ZCCHC7: variants seen among roughly 807,000 people sequenced by gnomAD.
The protein encoded by ZCCHC7 is zinc finger CCHC domain-containing protein 7.
In ZCCHC7, 35 loss-of-function variants were observed where a neutral mutation model predicts 52.0. That is an observed-to-expected ratio of 0.67 (90% CI 0.51 to 0.89). The LOEUF (loss-of-function observed/expected upper bound fraction) is 0.89. Ranked by LOEUF, ZCCHC7 falls within the 40% of genes least tolerant of loss-of-function variation. ZCCHC7 has a pLI of 0.00. For missense variants in ZCCHC7, 574 were observed against 649.1 expected, an observed-to-expected ratio of 0.88 and a Z score of 1.26; for synonymous variants, 217 against 221.5, an observed-to-expected ratio of 0.98 and a Z score of 0.18.
chr9:37,194,983 A>G (rs375472961), intron 2 of ZCCHC7, among the ~76,000 whole-genome samples: 3 of 130,650 alleles, frequency 2.3e-5, no homozygotes, highest in Non-Finnish European at 3.2e-5. Context: ...GTCTCACTCT[A>G]TTGCCCAGGC....
intron 2 of ZCCHC7, among the ~76,000 whole-genome samples, chr9:37,131,844 G>T (rs1354500904): frequency 1.3e-5 from 2 of 152,076 alleles, no homozygotes; most frequent in Non-Finnish European, 2.9e-5. Context: ...ACACTTAACA[G>T]TCTAGCCTTC....
At chr9:37,189,430 A>C (rs572445945) in intron 2 of ZCCHC7, among the ~76,000 whole-genome samples, 1 of 152,312 alleles carries the variant, frequency 6.6e-6, no homozygotes, top group Admixed American at 6.5e-5. Flanking sequence ...CTTGTTGCCC[A>C]GGCTGGAGTG....
intron 2 of ZCCHC7, among the ~76,000 whole-genome samples, chr9:37,260,884 C>T (rs151065803): frequency 2.0e-5 from 3 of 152,332 alleles, no homozygotes; most frequent in African/African-American, 4.8e-5. Context: ...ACAAACTGCT[C>T]TATCAAAATA....
chr9:37,202,058 A>C (rs943429815), intron 2 of ZCCHC7, among the ~76,000 whole-genome samples: 2 of 152,232 alleles, frequency 1.3e-5, no homozygotes, highest in African/African-American at 4.8e-5. Flanking sequence ...ATACTGACTT[A>C]TTTGATCCTC....
intron 2 of ZCCHC7, among the ~76,000 whole-genome samples, chr9:37,260,223 C>T (rs1273394375): frequency 6.6e-6 from 1 of 152,194 alleles, no homozygotes; most frequent in Admixed American, 6.5e-5. Context: ...TGGCTTTCCA[C>T]TGTATATCCC....
chr9:37,169,744 T>C (rs1361382754), intron 2 of ZCCHC7, among the ~76,000 whole-genome samples: 1 of 152,228 alleles, frequency 6.6e-6, no homozygotes, highest in African/African-American at 2.4e-5. Context: ...TTCTCATTGA[T>C]TTTAATTATT....
chr9:37,289,862 C>T (rs1252596688), intron 2 of ZCCHC7, among the ~76,000 whole-genome samples: 3 of 152,206 alleles, frequency 2.0e-5, no homozygotes, highest in Non-Finnish European at 4.4e-5. Flanking sequence ...ATATTTTTGC[C>T]TTAAGAACTT....
chr9:37,301,002 T>G (rs746917705), intron 2 of ZCCHC7, among the ~76,000 whole-genome samples: 1 of 152,226 alleles, frequency 6.6e-6, no homozygotes, highest in African/African-American at 2.4e-5. Context: ...TTTTTTTCTT[T>G]TATTTTGCTG....
intron 2 of ZCCHC7, among the ~76,000 whole-genome samples, chr9:37,146,434 T>A (rs1263152363): frequency 6.6e-6 from 1 of 151,938 alleles, no homozygotes; most frequent in Non-Finnish European, 1.5e-5. Context: ...AGGACTTAGA[T>A]CCTCCAAATG....
intron 2 of ZCCHC7, among the ~76,000 whole-genome samples, chr9:37,172,817 T>C (rs1237078279): frequency 1.3e-5 from 2 of 151,134 alleles, no homozygotes; most frequent in African/African-American, 2.4e-5. Context: ...CAGTTGTGAC[T>C]TGAGTGAGCA....
chr9:37,350,134 GGT>G (rs1491401357), intron 7 of ZCCHC7, among the ~76,000 whole-genome samples: 43 of 100,574 alleles, frequency 4.3e-4, no homozygotes, highest in African/African-American at 1.7e-3. Context: ...TTTTTTTTTT[GGT>G]TTTTTTTTTG....
intron 5 of ZCCHC7, among the ~76,000 whole-genome samples, chr9:37,315,470 T>G (rs1311420580): frequency 6.6e-6 from 1 of 152,022 alleles, no homozygotes; most frequent in Non-Finnish European, 1.5e-5. Flanking sequence ...CTTTGAGAAG[T>G]TCAAGACACT....
intron 1 of ZCCHC7, among the ~76,000 whole-genome samples, chr9:37,124,753 A>G (rs1842469244): frequency 6.6e-6 from 1 of 152,262 alleles, no homozygotes; most frequent in African/African-American, 2.4e-5. Flanking sequence ...GTTTCACTTT[A>G]CACATTTATT....
At chr9:37,297,939 C>A (rs1367500285) in intron 2 of ZCCHC7, among the ~76,000 whole-genome samples, 4 of 152,146 alleles carry the variant, frequency 2.6e-5, no homozygotes, top group African/African-American at 2.4e-5. Flanking sequence ...TTTCAGAAAT[C>A]CAGCCCATAT....
chr9:37,342,767 C>G (rs776478713), intron 6 of ZCCHC7, among the ~76,000 whole-genome samples: 1 of 152,214 alleles, frequency 6.6e-6, no homozygotes, highest in Non-Finnish European at 1.5e-5. Context: ...AGCACTCTTA[C>G]TGTTATTATT....
intron 2 of ZCCHC7, among the ~76,000 whole-genome samples, chr9:37,150,987 CGG>C (rs1368802174): frequency 7.3e-6 from 1 of 137,472 alleles, no homozygotes; most frequent in African/African-American, 2.7e-5. Flanking sequence ...TTTTTTGAGA[CGG>C]AGTCTTGCTC....
intron 2 of ZCCHC7, among the ~76,000 whole-genome samples, chr9:37,217,766 A>G (rs776346135): frequency 9.2e-5 from 14 of 152,208 alleles, no homozygotes; most frequent in Non-Finnish European, 8.8e-5. Flanking sequence ...AAAGACATTT[A>G]CACACAACTT....
At chr9:37,162,007 T>G (rs1376201641) in intron 2 of ZCCHC7, among the ~76,000 whole-genome samples, 1 of 152,150 alleles carries the variant, frequency 6.6e-6, no homozygotes, top group Non-Finnish European at 1.5e-5. Context: ...CTCTTCTACT[T>G]CACATTAATA....
Position 37,180,235 on chromosome 9 carries a change from AT to A in ZCCHC7, c.610+53295del, listed in dbSNP as rs550328909. On this transcript the variant is annotated intron_variant, in intron 2 of 8. Coordinates refer to ENST00000336755, the MANE Select transcript of ZCCHC7 (RefSeq NM_032226.3). Reference sequence around the variant, plus strand: ...AGCAGAAAGAAATTACAGAATGCTAATTGGTCTGTTTATGTTTTTTAAGTGA... The same window carrying A: ...AGCAGAAAGAAATTACAGAATGCTAATGGTCTGTTTATGTTTTTTAAGTGA... Among the ~76,000 whole-genome samples the A allele has an allele frequency of 1.6e-3, 244 of 152,286 alleles. 1 individual carries two copies. Among genetic ancestry groups the A allele is most frequent in the African/African-American group, 5.6e-3 (234 of 41,576 alleles).
Sources: allele counts gnomAD v4.1 joint callset (sites outside exome capture counted in the v4.1 genomes callset), GRCh38; gene constraint gnomAD v4.1.1; transcripts MANE v1.5; gene names NCBI Gene and HGNC (gene_info 2026-07-23, HGNC 2026-07-21).